SKOR2: variants seen among roughly 807,000 people sequenced by gnomAD.
SKOR2 encodes the protein SKI family transcriptional corepressor 2.
In SKOR2, 47 loss-of-function variants were observed where a neutral mutation model predicts 69.1. That is an observed-to-expected ratio of 0.68 (90% CI 0.54 to 0.87). SKOR2 has a LOEUF of 0.87. SKOR2 is among the 40% of genes least tolerant of loss of function. The pLI is 0.00. For synonymous variants in SKOR2, 717 were observed against 672.6 expected, an observed-to-expected ratio of 1.07 and a Z score of -1.02; for missense variants, 1,404 against 1,472.2, an observed-to-expected ratio of 0.95 and a Z score of 0.76.
Position 47,246,823 on chromosome 18 carries a change from G to A in SKOR2, c.2361C>T (p.Phe787=), listed in dbSNP as rs1040402468. Residue 787 remains phenylalanine, a synonymous_variant, in exon 2 of 9, where the codon TTC becomes TTT. Transcript: ENST00000425639. ...TCTCCGACGGCCCTCGGCCCTGGAG[G>A]AACCGGCCGCCCCCGACTAAGGGGT... The part of the protein sequence containing the change: ...LGDPLVGGGR[F]LQGRGPSEKG... The A allele has an allele frequency of 2.1e-6, 3 of 1,456,430 alleles. No individual in the cohort carries two copies. The highest frequency in any genetic ancestry group is 2.4e-5 in the Admixed American group (1 of 40,930). The allele number at this position is 1,456,430 out of a possible 1,614,324, so 90.2% of individuals were successfully genotyped here.
chr18:47,233,328 G>A (rs1329219419), intron 4 of SKOR2, among the ~76,000 whole-genome samples: 1 of 152,118 alleles, frequency 6.6e-6, no homozygotes, highest in African/African-American at 2.4e-5. Context: ...AAATATCTGT[G>A]AAGCATTTTA....
chr18:47,218,132 C>A (rs974456441), intron 7 of SKOR2, among the ~76,000 whole-genome samples: 5 of 151,946 alleles, frequency 3.3e-5, no homozygotes, highest in Admixed American at 6.6e-5. Context: ...AAACCAAATG[C>A]CAAAGAAAAT....
At chr18:47,214,267 C>A (rs1468652761) in intron 7 of SKOR2, among the ~76,000 whole-genome samples, 2 of 151,570 alleles carry the variant, frequency 1.3e-5, no homozygotes, top group East Asian at 1.9e-4. Flanking sequence ...TTTTCAGAAG[C>A]AATAACACAG....
Position 47,247,416 on chromosome 18 carries a change from C to A in SKOR2, c.1768G>T (p.Ala590Ser), listed in dbSNP as rs1169202184. 3.1e-6 allele frequency: 4 copies of A among 1,300,362 alleles called. No homozygotes were observed. Among genetic ancestry groups the A allele is most frequent in the Middle Eastern group, 5.9e-4 (2 of 3,382 alleles). 80.6% of individuals were successfully genotyped at this position (1,300,362 alleles called of 1,614,324 possible). A position where few individuals can be genotyped will look rare whatever the true frequency, so the allele number is the denominator to read the frequency against. Residue 590 changes from alanine to serine, a missense_variant, in exon 2 of 9, where the codon GCC becomes TCC. Coordinates refer to ENST00000425639, the MANE Select transcript of SKOR2 (RefSeq NM_001278063.4). This position sits in a 1 kb window ranked among gnomAD's most constrained non-coding sequence, Gnocchi z 6.6. Reference sequence around the variant, plus strand: ...CGGGAGCCCGCGGGGCCAGACCCGGCGGCCGCGGCCCCTGCCCCGGCAGCT... The same window carrying A: ...CGGGAGCCCGCGGGGCCAGACCCGGAGGCCGCGGCCCCTGCCCCGGCAGCT... ...VAAAGAGAAA[A>S]GSGPAGSRVP...
intron 4 of SKOR2, 147 bp from the exon 5 acceptor site, chr18:47,231,147 T>C (rs1413517923): frequency 9.8e-6 from 15 of 1,535,862 alleles, no homozygotes; most frequent in Non-Finnish European, 1.3e-5. Flanking sequence ...TGTCCTCATT[T>C]ATTCGCATAT....
intron 7 of SKOR2, among the ~76,000 whole-genome samples, chr18:47,214,705 T>C (rs886198768): frequency 3.3e-5 from 5 of 152,182 alleles, no homozygotes; most frequent in Non-Finnish European, 7.3e-5. Context: ...ATTCATCAAA[T>C]AGTGGTGCCT....
At chr18:47,225,821 CTG>C (rs987419517) in intron 6 of SKOR2, among the ~76,000 whole-genome samples, 4 of 151,992 alleles carry the variant, frequency 2.6e-5, no homozygotes, top group Admixed American at 1.3e-4. Flanking sequence ...TGCCAGGTAA[CTG>C]GAGCTGAGCC....
At position 47,248,311 on chromosome 18, in the gene SKOR2, TGGCGGCGGCGGCGGC is replaced by T; in HGVS notation, c.858_872del (p.Pro290_Pro294del). On this transcript the variant is annotated inframe_deletion, in exon 2 of 9. Coordinates refer to ENST00000425639, the MANE Select transcript of SKOR2 (RefSeq NM_001278063.4). The surrounding 1 kb of genome is among the most constrained non-coding windows in gnomAD (Gnocchi z 6.4). Reference sequence around the variant, plus strand: ...CAGCCAGCTCTGCCAAGGGCGGCGGTGGCGGCGGCGGCGGCGGGGGCGCACCCAGCAGGTGGGGGC... The same window carrying T: ...CAGCCAGCTCTGCCAAGGGCGGCGGTGGGGGCGCACCCAGCAGGTGGGGGC... The T allele has an allele frequency of 8.3e-7, 1 of 1,202,466 alleles. No individual in the cohort carries two copies. The highest frequency in any genetic ancestry group is 1.0e-6 in the Non-Finnish European group (1 of 971,770). 74.5% of individuals were successfully genotyped at this position (1,202,466 alleles called of 1,614,324 possible). A position where few individuals can be genotyped will look rare whatever the true frequency, so the allele number is the denominator to read the frequency against.
intron 6 of SKOR2, among the ~76,000 whole-genome samples, chr18:47,222,941 C>T (rs1262129251): frequency 4.0e-5 from 6 of 151,842 alleles, no homozygotes; most frequent in Non-Finnish European, 7.4e-5. Flanking sequence ...TTAAAGTATT[C>T]GAAATAATGG....
At chr18:47,234,993 GA>G (rs2064216130) in intron 4 of SKOR2, among the ~76,000 whole-genome samples, 1 of 152,114 alleles carries the variant, frequency 6.6e-6, no homozygotes, top group Admixed American at 6.5e-5. Flanking sequence ...TAAGACTGTA[GA>G]AAAAAACTGG....
At chr18:47,238,719 G>A (rs542183843) in intron 4 of SKOR2, among the ~76,000 whole-genome samples, 2 of 152,132 alleles carry the variant, frequency 1.3e-5, no homozygotes, top group East Asian at 1.9e-4. Flanking sequence ...TTATAATTTC[G>A]GTCAAGTGTC....
intron 2 of SKOR2, 105 bp downstream of exon 2, chr18:47,246,466 G>A: frequency 7.6e-7 from 1 of 1,322,726 alleles, no homozygotes; most frequent in South Asian, 1.7e-5. Context: ...ATTTCTGTGG[G>A]GAAATCTGGT....
intron 6 of SKOR2, among the ~76,000 whole-genome samples, chr18:47,224,444 A>C (rs1192585980): frequency 1.3e-5 from 2 of 152,212 alleles, no homozygotes; most frequent in Non-Finnish European, 2.9e-5. Context: ...TCCAAACAGC[A>C]ATAAAAAGTA....
intron 3 of SKOR2, among the ~76,000 whole-genome samples, chr18:47,245,255 T>C (rs1251142198): frequency 6.6e-6 from 1 of 152,146 alleles, no homozygotes; most frequent in African/African-American, 2.4e-5. Context: ...CAAAGAAGTA[T>C]GCTGAGATTG....
intron 6 of SKOR2, among the ~76,000 whole-genome samples, chr18:47,224,801 G>C (rs1243522935): frequency 6.6e-6 from 1 of 151,964 alleles, no homozygotes; most frequent in Non-Finnish European, 1.5e-5. Flanking sequence ...ATGTGTTTGT[G>C]TAGAGACAGG....
intron 4 of SKOR2, among the ~76,000 whole-genome samples, chr18:47,241,224 CAAAT>C (rs944661096): frequency 2.0e-5 from 3 of 152,158 alleles, no homozygotes; most frequent in Non-Finnish European, 2.9e-5. Context: ...AGTAAATAAA[CAAAT>C]GAATGCTATC....
At chr18:47,234,802 A>C (rs1252255796) in intron 4 of SKOR2, among the ~76,000 whole-genome samples, 1 of 148,334 alleles carries the variant, frequency 6.7e-6, no homozygotes, top group Non-Finnish European at 1.5e-5. Flanking sequence ...CAGAGATTGC[A>C]GTAAACCGAG....
intron 4 of SKOR2, chr18:47,234,511 T>G (rs888656623): frequency 6.6e-6 from 1 of 152,188 alleles, no homozygotes; most frequent in Non-Finnish European, 1.5e-5. Flanking sequence ...TTCTCTGTAT[T>G]GTTCCAATTT....
chr18:47,219,760 C>T (rs1161989722), intron 7 of SKOR2, among the ~76,000 whole-genome samples, 183 bp downstream of exon 7: 1 of 152,164 alleles, frequency 6.6e-6, no homozygotes, highest in Non-Finnish European at 1.5e-5. Flanking sequence ...TTAGAGGAAA[C>T]ATACTGCCAC....
Sources: gnomAD v4.1 joint callset for allele counts (sites outside exome capture counted in the v4.1 genomes callset) on GRCh38, gnomAD v4.1.1 for gene constraint, Gnocchi (gnomAD v3.1) non-coding constraint, MANE v1.5 for transcripts, NCBI Gene and HGNC (gene_info 2026-07-23, HGNC 2026-07-21) for gene names.